SORCS1: variants seen among roughly 807,000 people sequenced by gnomAD.
SORCS1 encodes VPS10 domain-containing receptor SorCS1.
Under a neutral mutation model 146.1 loss-of-function variants are expected in SORCS1, and 60 were observed. The ratio of observed to expected loss-of-function variants is 0.41; its 90% CI spans 0.33 to 0.51. The LOEUF is 0.51. Ranked by LOEUF, SORCS1 falls within the 20% of genes least tolerant of loss-of-function variation. The probability of loss-of-function intolerance (pLI) is 0.21; values close to 1 mark genes in which losing one functional copy is unlikely to be tolerated. For synonymous variants in SORCS1, 637 were observed against 584.0 expected, an observed-to-expected ratio of 1.09 and a Z score of -1.31; for missense variants, 1,352 against 1,487.6, an observed-to-expected ratio of 0.91 and a Z score of 1.50.
upstream of SORCS1, among the ~76,000 whole-genome samples, chr10:107,167,368 TATAATATA>T (rs528247458): frequency 2.9e-3 from 434 of 152,280 alleles, 3 homozygotes; most frequent in African/African-American, 9.9e-3. Flanking sequence ...TTTTTATTAA[TATAATATA>T]ATAAGAATGA....
At chr10:106,754,454 C>T (rs1321433447) in intron 5 of SORCS1, among the ~76,000 whole-genome samples, 1 of 151,938 alleles carries the variant, frequency 6.6e-6, no homozygotes, top group Non-Finnish European at 1.5e-5. Context: ...AAATTTTTTT[C>T]TTCTTAAAAC....
chr10:106,825,570 C>A (rs890650300), intron 3 of SORCS1, among the ~76,000 whole-genome samples: 2 of 152,098 alleles, frequency 1.3e-5, no homozygotes, highest in African/African-American at 4.8e-5. Context: ...CTGCGCCCAG[C>A]CAAGTTTTTT....
chr10:106,976,716 C>G (rs1956040834), intron 1 of SORCS1, among the ~76,000 whole-genome samples: 1 of 152,112 alleles, frequency 6.6e-6, no homozygotes, highest in Admixed American at 6.5e-5. Flanking sequence ...CCAATTGGCT[C>G]CGGTGTGTGT....
intron 22 of SORCS1, among the ~76,000 whole-genome samples, chr10:106,610,172 T>A (rs1397582666): frequency 2.6e-5 from 4 of 152,042 alleles, no homozygotes; most frequent in African/African-American, 9.7e-5. Context: ...CAGAGGCACA[T>A]GAAGATACCC....
At chr10:107,102,957 C>T (rs116602589) in intron 1 of SORCS1, among the ~76,000 whole-genome samples, 185 of 152,158 alleles carry the variant, frequency 1.2e-3, no homozygotes, top group African/African-American at 4.3e-3. Flanking sequence ...ATCAATCTTC[C>T]GTCTTCAGTG....
At chr10:106,682,471 G>A (rs113226859) in intron 10 of SORCS1, among the ~76,000 whole-genome samples, 1,879 of 152,320 alleles carry the variant, frequency 0.012, 10 homozygotes, top group Non-Finnish European at 0.017. Flanking sequence ...AAAACAGTGT[G>A]AAGTGATTCA....
intron 3 of SORCS1, among the ~76,000 whole-genome samples, chr10:106,807,445 A>G (rs1947244289): frequency 6.6e-6 from 1 of 152,158 alleles, no homozygotes; most frequent in Admixed American, 6.5e-5. Flanking sequence ...CCAAGTCCCT[A>G]TTGCCTGCCC....
chr10:106,956,380 C>A, intron 2 of SORCS1, 133 bp downstream of exon 2: 1 of 744,396 alleles, frequency 1.3e-6, no homozygotes, highest in Admixed American at 2.6e-5. Flanking sequence ...CTAAAGGAAA[C>A]AGAGAAGAAA....
At chr10:106,828,133 G>A (rs972447509) in intron 3 of SORCS1, among the ~76,000 whole-genome samples, 3 of 152,014 alleles carry the variant, frequency 2.0e-5, no homozygotes, top group Admixed American at 6.6e-5. Flanking sequence ...CTTTTAAACC[G>A]AATCCCACTG....
intron 18 of SORCS1, among the ~76,000 whole-genome samples, chr10:106,631,741 C>G (rs1356811807): frequency 6.6e-6 from 1 of 152,192 alleles, no homozygotes; most frequent in Non-Finnish European, 1.5e-5. Context: ...AGACAGCAGA[C>G]ACTCACACAG....
At chr10:107,110,941 T>C (rs1214094990) in intron 1 of SORCS1, among the ~76,000 whole-genome samples, 2 of 152,064 alleles carry the variant, frequency 1.3e-5, no homozygotes, top group South Asian at 2.1e-4. Flanking sequence ...ACAAAAGCCA[T>C]GCCTACCAGA....
At chr10:107,166,540 CAG>C (rs1441310632), upstream of SORCS1, among the ~76,000 whole-genome samples, 1 of 152,328 alleles carries the variant, frequency 6.6e-6, no homozygotes, top group Middle Eastern at 3.4e-3. Flanking sequence ...TCCTCCAAAA[CAG>C]AAAGGCTGTC....
At chr10:106,684,387 C>T (rs182784070) in intron 10 of SORCS1, among the ~76,000 whole-genome samples, 24 of 152,114 alleles carry the variant, frequency 1.6e-4, no homozygotes, top group Admixed American at 5.2e-4. Context: ...ACAAAGTCAG[C>T]GCCTCTTTCC....
At chr10:106,703,567 T>C (rs1854287800) in intron 8 of SORCS1, among the ~76,000 whole-genome samples, 1 of 152,256 alleles carries the variant, frequency 6.6e-6, no homozygotes, top group Non-Finnish European at 1.5e-5. Flanking sequence ...ACTGTCATTC[T>C]TTACTATTAG....
chr10:107,117,479 G>A (rs540999518), intron 1 of SORCS1, among the ~76,000 whole-genome samples: 1 of 152,274 alleles, frequency 6.6e-6, no homozygotes, highest in African/African-American at 2.4e-5. Context: ...GGGCCCCCCA[G>A]AACTGTGAGG....
chr10:106,914,126 G>A (rs975797226), intron 2 of SORCS1, among the ~76,000 whole-genome samples: 1 of 152,132 alleles, frequency 6.6e-6, no homozygotes, highest in Non-Finnish European at 1.5e-5. Context: ...AAACACTTTT[G>A]ACATTGAGCT....
intron 1 of SORCS1, among the ~76,000 whole-genome samples, chr10:107,101,284 G>A (rs567163622): frequency 1.3e-5 from 2 of 152,276 alleles, no homozygotes; most frequent in South Asian, 2.1e-4. Flanking sequence ...ACCTTCAGGT[G>A]ATCCACCCGC....
intron 1 of SORCS1, among the ~76,000 whole-genome samples, chr10:107,063,813 T>A (rs2134130781): frequency 6.6e-6 from 1 of 152,286 alleles, no homozygotes; most frequent in Middle Eastern, 3.4e-3. Flanking sequence ...GCTGAATGAA[T>A]TTGCAACTTC....
chr10:106,955,076 C>T (rs181965726), intron 2 of SORCS1, among the ~76,000 whole-genome samples: 31 of 152,328 alleles, frequency 2.0e-4, no homozygotes, highest in East Asian at 3.9e-4. Flanking sequence ...TGGGACTGAA[C>T]GAGCTGTAAC....
Sources: allele counts gnomAD v4.1 joint callset (sites outside exome capture counted in the v4.1 genomes callset), GRCh38; gene constraint gnomAD v4.1.1; transcripts MANE v1.5; gene names NCBI Gene and HGNC (gene_info 2026-07-23, HGNC 2026-07-21).